The following SLC12A1 variants were observed in gnomAD, a reference collection of about 807,000 sequenced individuals.
The protein encoded by SLC12A1 is Na-K-2Cl cotransporter.
SLC12A1 carries 89 observed loss-of-function variants against 130.4 expected under a neutral mutation model. The observed-to-expected ratio is 0.68, with a 90% CI of 0.58 to 0.81. The LOEUF is 0.81. SLC12A1 is among the 40% of genes least tolerant of loss of function. The pLI is 0.00. For synonymous variants in SLC12A1, 499 were observed against 460.0 expected (o/e 1.08, Z -1.09); for missense variants, 1,310 against 1,336.4 (o/e 0.98, Z 0.31).
chr15:48,265,749 A>G lies in SLC12A1; in HGVS notation c.2155-1812A>G, dbSNP rs549459908. On this transcript the variant is annotated intron_variant, in intron 17 of 26. Transcript: ENST00000380993. ...GAAATATGCTGGAAAAAATAAGAATATAAAGAGTCTGATCCAATTTAAATA... is the reference window on the plus strand; with the variant it reads ...GAAATATGCTGGAAAAAATAAGAATGTAAAGAGTCTGATCCAATTTAAATA... Among the ~76,000 whole-genome samples the G allele has an allele frequency of 3.3e-5, 5 of 152,340 alleles. No homozygotes were observed. In the South Asian group the frequency reaches 1.0e-3, roughly 32 times the overall value.
chr15:48,294,774 G>C (rs557899426), intron 24 of SLC12A1, among the ~76,000 whole-genome samples: 1 of 152,286 alleles, frequency 6.6e-6, no homozygotes, highest in East Asian at 1.9e-4. Context: ...TAGCTGGCCA[G>C]TGCTCTGCAA....
At chr15:48,258,500 G>C (rs990949904) in intron 16 of SLC12A1, among the ~76,000 whole-genome samples, 3 of 151,734 alleles carry the variant, frequency 2.0e-5, no homozygotes, top group African/African-American at 4.8e-5. Context: ...CATTCAATGA[G>C]TCTCTATGAA....
intron 9 of SLC12A1, among the ~76,000 whole-genome samples, chr15:48,240,866 T>C (rs2141049162): frequency 6.6e-6 from 1 of 152,288 alleles, no homozygotes; most frequent in South Asian, 2.1e-4. Flanking sequence ...AAGTATGATG[T>C]GAACTCAACT....
At chr15:48,246,348 C>T (rs759561087) in intron 11 of SLC12A1, among the ~76,000 whole-genome samples, 4 of 152,198 alleles carry the variant, frequency 2.6e-5, no homozygotes, top group Non-Finnish European at 5.9e-5. Context: ...CCACAAAGAA[C>T]AGAGGGGAAA....
At chr15:48,297,214 C>T (rs565400317) in intron 24 of SLC12A1, among the ~76,000 whole-genome samples, 112 of 152,236 alleles carry the variant, frequency 7.4e-4, no homozygotes, top group African/African-American at 2.6e-3. Context: ...ACTATCTACT[C>T]GCTCATGTAT....
intron 2 of SLC12A1, among the ~76,000 whole-genome samples, chr15:48,218,209 A>AT (rs1401578327): frequency 6.6e-6 from 1 of 152,192 alleles, no homozygotes; most frequent in East Asian, 1.9e-4. Context: ...AATAATGGTA[A>AT]TTAAGTGCTG....
At chr15:48,249,204 T>C (rs2041619279) in intron 13 of SLC12A1, among the ~76,000 whole-genome samples, 1 of 152,124 alleles carries the variant, frequency 6.6e-6, no homozygotes, top group African/African-American at 2.4e-5. Context: ...GCTGTTTAAC[T>C]AATATCCTGC....
At chr15:48,220,176 T>TAGAC in intron 2 of SLC12A1, among the ~76,000 whole-genome samples, 1 of 148,812 alleles carries the variant, frequency 6.7e-6, no homozygotes, top group Admixed American at 6.6e-5. Flanking sequence ...GATAGATAGA[T>TAGAC]AGATAGATAA....
intron 5 of SLC12A1, 156 bp downstream of exon 5, chr15:48,226,727 T>A: frequency 1.5e-6 from 1 of 660,416 alleles, no homozygotes; most frequent in East Asian, 2.7e-5. Context: ...TAAGGTACGA[T>A]GAGAATAGTC....
Position 48,259,223 on chromosome 15 carries a change from G to A in SLC12A1, c.2066G>A (p.Gly689Glu), listed in dbSNP as rs1021164895. 5.6e-6 allele frequency: 9 copies of A among 1,613,222 alleles called. No homozygotes were observed. The African/African-American group carries it at 1.1e-4, about 19-fold the overall frequency. Residue 689 changes from glycine (G) to glutamate (E), a missense_variant, in exon 17 of 27, where the codon GGG (glycine) becomes GAG (glutamate). Transcript: ENST00000380993. ...AGGCCCCAGTGCATTGTCTTAACAGGGGGACCCATGACAAGACCTGCTCTC... is the reference window on the plus strand; with the variant it reads ...AGGCCCCAGTGCATTGTCTTAACAGAGGGACCCATGACAAGACCTGCTCTC... ...NFRPQCIVLTGGPMTRPALLD... is the reference protein window; with the variant it reads ...NFRPQCIVLTEGPMTRPALLD...
intron 23 of SLC12A1, among the ~76,000 whole-genome samples, chr15:48,289,259 A>G (rs931475765): frequency 1.3e-5 from 2 of 151,394 alleles, no homozygotes; most frequent in Non-Finnish European, 2.9e-5. Context: ...TTAGTCCCTC[A>G]GGGCACTGAG....
chr15:48,218,812 T>C (rs980627480), intron 2 of SLC12A1, among the ~76,000 whole-genome samples: 1 of 152,172 alleles, frequency 6.6e-6, no homozygotes, highest in African/African-American at 2.4e-5. Flanking sequence ...CTCAAAGAAG[T>C]ACAGTCTACA....
In SLC12A1 at chr15:48,234,998, T is replaced by C. The variant is rs2041423914; in HGVS notation, c.1209T>C (p.Asp403=). The C allele has an allele frequency of 1.2e-6, 2 of 1,613,650 alleles. No individual in the cohort carries two copies. The highest frequency in any genetic ancestry group is 1.3e-5 in the African/African-American group (1 of 74,878). The change falls in exon 9 of 27, where the codon GAT becomes GAC. Residue 403 remains aspartate, a synonymous_variant. Coordinates refer to ENST00000380993, the MANE Select transcript of SLC12A1 (RefSeq NM_000338.3). ...GILAGANISG[D]LEDPQDAIPR... Reference sequence around the variant, plus strand: ...TTGCTGGTGCCAATATCTCAGGAGATTTGGAGGTACGTTGTTTGCTCTGCT... The same window carrying C: ...TTGCTGGTGCCAATATCTCAGGAGACTTGGAGGTACGTTGTTTGCTCTGCT...
chr15:48,275,346 C>G (rs2041941093), intron 20 of SLC12A1, among the ~76,000 whole-genome samples: 1 of 152,170 alleles, frequency 6.6e-6, no homozygotes, highest in African/African-American at 2.4e-5. Context: ...TTTCTGGTGC[C>G]TGTTATGTAC....
chr15:48,261,758 A>G (rs1320710155), intron 17 of SLC12A1, among the ~76,000 whole-genome samples: 1 of 152,156 alleles, frequency 6.6e-6, no homozygotes, highest in Non-Finnish European at 1.5e-5. Flanking sequence ...GAGAAAGACA[A>G]TTTAGTTTTT....
At chr15:48,240,113 A>G (rs1388751060) in intron 9 of SLC12A1, among the ~76,000 whole-genome samples, 1 of 116,406 alleles carries the variant, frequency 8.6e-6, no homozygotes, top group East Asian at 2.3e-4. Context: ...ATATATATCC[A>G]TATATATATA....
intron 23 of SLC12A1, among the ~76,000 whole-genome samples, chr15:48,291,558 A>C (rs563536573): frequency 6.6e-6 from 1 of 152,282 alleles, no homozygotes; most frequent in South Asian, 2.1e-4. Flanking sequence ...GTCTGCACCT[A>C]CAGGGGTTTC....
intron 6 of SLC12A1, 82 bp from the exon 7 acceptor site, chr15:48,230,311 T>A: frequency 1.3e-6 from 1 of 787,324 alleles, no homozygotes; most frequent in Middle Eastern, 2.3e-4. Context: ...TTGTATAGTA[T>A]CTCTTTTTAC....
intron 2 of SLC12A1, among the ~76,000 whole-genome samples, chr15:48,215,452 A>G (rs574297196): frequency 1.1e-4 from 17 of 152,334 alleles, no homozygotes; most frequent in African/African-American, 3.6e-4. Context: ...ACATTTATAA[A>G]AGGTTATGGG....
Sources: allele counts gnomAD v4.1 joint callset (sites outside exome capture counted in the v4.1 genomes callset), GRCh38; gene constraint gnomAD v4.1.1; transcripts MANE v1.5; gene names NCBI Gene and HGNC (gene_info 2026-07-23, HGNC 2026-07-21).